The following DLC1 variants were observed in gnomAD, a reference collection of about 807,000 sequenced individuals.
DLC1 encodes the protein DLC1 Rho GTPase activating protein, also known as rho GTPase-activating protein 7.
DLC1 carries 54 observed loss-of-function variants against 140.3 expected under a neutral mutation model. The observed-to-expected ratio is 0.38, with a 90% CI of 0.31 to 0.48. The LOEUF (loss-of-function observed/expected upper bound fraction) is 0.48. Among genes scored for constraint, DLC1 ranks in the 20% least tolerant of loss-of-function variants. The pLI is 0.96. For synonymous variants in DLC1, 986 were observed against 728.1 expected (o/e 1.35, Z -5.70); for missense variants, 2,536 against 1,907.0 (o/e 1.33, Z -6.14).
At chr8:13,494,494 C>G (rs916225205) in intron 2 of DLC1, among the ~76,000 whole-genome samples, 1 of 152,020 alleles carries the variant, frequency 6.6e-6, no homozygotes, top group African/African-American at 2.4e-5. Context: ...GAGGAGGACT[C>G]GAGAGCAGAG....
chr8:13,210,081 T>A (rs954667184), intron 5 of DLC1, among the ~76,000 whole-genome samples: 5 of 152,128 alleles, frequency 3.3e-5, no homozygotes, highest in Admixed American at 1.3e-4. Flanking sequence ...AGGAAATGTT[T>A]TTTTCTTACT....
chr8:13,254,924 C>T (rs986574264), intron 5 of DLC1, among the ~76,000 whole-genome samples: 2 of 152,052 alleles, frequency 1.3e-5, no homozygotes, highest in Non-Finnish European at 2.9e-5. Context: ...ATTCTGACTC[C>T]TTGAGTTACT....
chr8:13,358,389 G>C (rs567889875), intron 4 of DLC1, among the ~76,000 whole-genome samples: 1 of 152,210 alleles, frequency 6.6e-6, no homozygotes, highest in African/African-American at 2.4e-5. Context: ...ATGCTCTCTG[G>C]GTAGAAGAGT....
intron 5 of DLC1, among the ~76,000 whole-genome samples, chr8:13,177,409 A>T (rs1825811461): frequency 6.6e-6 from 1 of 152,204 alleles, no homozygotes; most frequent in African/African-American, 2.4e-5. Flanking sequence ...TCCAGGAACT[A>T]TAGAGAACTA....
At chr8:13,405,974 ATC>A (rs1225816292) in intron 2 of DLC1, among the ~76,000 whole-genome samples, 18 of 19,384 alleles carry the variant, frequency 9.3e-4, no homozygotes, top group South Asian at 5.8e-3. Context: ...TCTTTCTTTC[ATC>A]TCTCTCTCTC....
chr8:13,379,201 T>C (rs1267653613), intron 4 of DLC1, among the ~76,000 whole-genome samples: 2 of 152,208 alleles, frequency 1.3e-5, no homozygotes, highest in East Asian at 1.9e-4. Flanking sequence ...GTGTCCATGC[T>C]GCTGAAAAGT....
At chr8:13,310,378 C>G (rs1486289045) in intron 4 of DLC1, among the ~76,000 whole-genome samples, 1 of 152,144 alleles carries the variant, frequency 6.6e-6, no homozygotes, top group Non-Finnish European at 1.5e-5. Flanking sequence ...CCCTTTAAAA[C>G]ATTCACTTTT....
chr8:13,160,574 T>C (rs1296445627), intron 5 of DLC1, among the ~76,000 whole-genome samples: 1 of 152,230 alleles, frequency 6.6e-6, no homozygotes, highest in Non-Finnish European at 1.5e-5. Flanking sequence ...AATCTCTCCT[T>C]ACTTTCTTCC....
intron 6 of DLC1, among the ~76,000 whole-genome samples, chr8:13,114,601 A>G (rs144742631): frequency 2.6e-5 from 4 of 152,294 alleles, no homozygotes; most frequent in African/African-American, 9.6e-5. Context: ...AAGACAACCT[A>G]GAGAAAAGTG....
chr8:13,193,573 T>C (rs1826881802), intron 5 of DLC1, among the ~76,000 whole-genome samples: 1 of 152,142 alleles, frequency 6.6e-6, no homozygotes, highest in African/African-American at 2.4e-5. Context: ...TTATCTTTAT[T>C]TCTGTTGTGG....
chr8:13,195,655 G>C (rs1685732601), intron 5 of DLC1, among the ~76,000 whole-genome samples: 1 of 152,130 alleles, frequency 6.6e-6, no homozygotes, highest in South Asian at 2.1e-4. Context: ...CCAATAGGTA[G>C]AAGCCATACA....
chr8:13,555,797 T>A (rs959995276), intron 1 of DLC1, among the ~76,000 whole-genome samples: 1 of 152,032 alleles, frequency 6.6e-6, no homozygotes, highest in Non-Finnish European at 1.5e-5. Context: ...ACACCGGGCC[T>A]GGCCTTGTAG....
At chr8:13,551,129 T>C (rs534322988) in intron 1 of DLC1, among the ~76,000 whole-genome samples, 4 of 151,636 alleles carry the variant, frequency 2.6e-5, no homozygotes, top group Admixed American at 1.3e-4. Context: ...TGAAAACTCT[T>C]TGGAAAATAT....
At chr8:13,373,691 T>C (rs1227459473) in intron 4 of DLC1, among the ~76,000 whole-genome samples, 1 of 152,226 alleles carries the variant, frequency 6.6e-6, no homozygotes, top group East Asian at 1.9e-4. Flanking sequence ...ATAAAAATGA[T>C]GGTCACTGGG....
chr8:13,470,391 A>C (rs1414226237), intron 2 of DLC1, among the ~76,000 whole-genome samples: 1 of 150,660 alleles, frequency 6.6e-6, no homozygotes. Flanking sequence ...AAACAACCAA[A>C]CAAACAACAG....
At chr8:13,111,236 C>T (rs1476807503) in intron 6 of DLC1, among the ~76,000 whole-genome samples, 9 of 151,656 alleles carry the variant, frequency 5.9e-5, no homozygotes, top group South Asian at 2.1e-4. Context: ...GGAAAGGTCA[C>T]GGAAAGAAAA....
chr8:13,226,238 C>T (rs62494906), intron 5 of DLC1, among the ~76,000 whole-genome samples: 11,439 of 152,124 alleles, frequency 0.075, 566 homozygotes, highest in Non-Finnish European at 0.11. Flanking sequence ...GAATGTAATA[C>T]TCTTTGGTTA....
At chr8:13,107,292 C>T (rs1819647663) in intron 7 of DLC1, among the ~76,000 whole-genome samples, 1 of 152,208 alleles carries the variant, frequency 6.6e-6, no homozygotes, top group Admixed American at 6.5e-5. Context: ...CTCCTACTTA[C>T]TTCTTGACCA....
At chr8:13,360,047 C>A (rs1295022613) in intron 4 of DLC1, among the ~76,000 whole-genome samples, 1 of 152,166 alleles carries the variant, frequency 6.6e-6, no homozygotes, top group Admixed American at 6.5e-5. Flanking sequence ...GCTTTCCACA[C>A]AACTGGGTAG....
Sources: gnomAD v4.1 joint callset for allele counts (sites outside exome capture counted in the v4.1 genomes callset) on GRCh38, gnomAD v4.1.1 for gene constraint, MANE v1.5 for transcripts, NCBI Gene and HGNC (gene_info 2026-07-23, HGNC 2026-07-21) for gene names.